The following ASTN2 variants were observed in gnomAD, a reference collection of about 807,000 sequenced individuals.
The protein encoded by ASTN2 is astrotactin 2, also known as astrotactin-2.
A neutral mutation model predicts 139.8 loss-of-function variants in ASTN2; 54 were observed. The ratio of observed to expected loss-of-function variants is 0.39; its 90% CI spans 0.31 to 0.48. The LOEUF is 0.48. Ranked by LOEUF, ASTN2 falls within the 20% of genes least tolerant of loss-of-function variation. The probability of loss-of-function intolerance (pLI) is 0.95; values close to 1 mark genes in which losing one functional copy is unlikely to be tolerated. For synonymous variants in ASTN2, 756 were observed against 719.5 expected, an observed-to-expected ratio of 1.05 and a Z score of -0.81; for missense variants, 1,565 against 1,725.1, an observed-to-expected ratio of 0.91 and a Z score of 1.64.
chr9:117,374,800 C>G (rs561691491), intron 1 of ASTN2, among the ~76,000 whole-genome samples: 1 of 152,208 alleles, frequency 6.6e-6, no homozygotes, highest in East Asian at 1.9e-4. Flanking sequence ...GAGCACCTAC[C>G]AAAGGAAAAG....
At chr9:117,346,677 T>C (rs370690193) in intron 1 of ASTN2, among the ~76,000 whole-genome samples, 11 of 152,138 alleles carry the variant, frequency 7.2e-5, no homozygotes, top group African/African-American at 2.2e-4. Flanking sequence ...AGTGGTAACA[T>C]AGATATCTTA....
At chr9:116,748,415 C>T (rs1306715789) in intron 13 of ASTN2, among the ~76,000 whole-genome samples, 7 of 152,208 alleles carry the variant, frequency 4.6e-5, no homozygotes. Flanking sequence ...CTCCCTCAAT[C>T]CCCGAGGGGT....
chr9:117,271,469 C>T (rs1834061910), intron 2 of ASTN2, among the ~76,000 whole-genome samples: 1 of 152,134 alleles, frequency 6.6e-6, no homozygotes, highest in Non-Finnish European at 1.5e-5. Context: ...AATCTCATGT[C>T]CTTACATTTC....
At chr9:116,815,816 A>AAAAAAAAAAAAAAAAC (rs1564283204) in intron 12 of ASTN2, among the ~76,000 whole-genome samples, 3 of 140,982 alleles carry the variant, frequency 2.1e-5, no homozygotes, top group African/African-American at 8.7e-5. Context: ...AAAAAAAAAA[A>AAAAAAAAAAAAAAAAC]AAAAAAAAAA....
At chr9:116,936,967 A>G (rs774491219) in intron 10 of ASTN2, among the ~76,000 whole-genome samples, 13 of 152,184 alleles carry the variant, frequency 8.5e-5, no homozygotes, top group South Asian at 2.1e-4. Flanking sequence ...CTTGAATATA[A>G]GAGGTGTGAA....
intron 12 of ASTN2, among the ~76,000 whole-genome samples, chr9:116,814,846 A>C (rs1181284542): frequency 6.6e-6 from 1 of 152,180 alleles, no homozygotes; most frequent in Non-Finnish European, 1.5e-5. Flanking sequence ...TCCACACTGG[A>C]AAATAGCTAT....
At chr9:116,472,417 G>A (rs372159502) in intron 20 of ASTN2, among the ~76,000 whole-genome samples, 2 of 152,196 alleles carry the variant, frequency 1.3e-5, no homozygotes, top group East Asian at 1.9e-4. Context: ...CTCAGAACTC[G>A]CATGCCTTTA....
chr9:116,579,474 G>A (rs1286127462), intron 19 of ASTN2, among the ~76,000 whole-genome samples: 3 of 152,144 alleles, frequency 2.0e-5, no homozygotes, highest in African/African-American at 4.8e-5. Context: ...CCACCCCTCC[G>A]AAGCCTACAA....
At chr9:116,925,853 C>A (rs1299422355) in intron 10 of ASTN2, among the ~76,000 whole-genome samples, 1 of 107,566 alleles carries the variant, frequency 9.3e-6, no homozygotes, top group African/African-American at 3.3e-5. Context: ...CAAGGAGATA[C>A]ACAACACAAC....
intron 19 of ASTN2, among the ~76,000 whole-genome samples, chr9:116,536,628 C>T (rs1851641483): frequency 6.6e-6 from 1 of 152,252 alleles, no homozygotes; most frequent in Non-Finnish European, 1.5e-5. Flanking sequence ...CCACTCCAGA[C>T]CCTGTTTGCC....
At chr9:117,051,352 T>C (rs1041227978) in intron 5 of ASTN2, among the ~76,000 whole-genome samples, 4 of 152,184 alleles carry the variant, frequency 2.6e-5, no homozygotes, top group African/African-American at 9.7e-5. Context: ...TAGTTCCTAG[T>C]TTTGCAAATC....
chr9:117,169,721 C>T (rs1266252693), intron 3 of ASTN2, among the ~76,000 whole-genome samples: 3 of 147,364 alleles, frequency 2.0e-5, no homozygotes, highest in Non-Finnish European at 4.5e-5. Context: ...TTGGAGGCTA[C>T]GTCAGACATG....
At chr9:116,732,165 A>T (rs1828802375) in intron 14 of ASTN2, among the ~76,000 whole-genome samples, 2 of 152,194 alleles carry the variant, frequency 1.3e-5, no homozygotes, top group Admixed American at 6.5e-5. Flanking sequence ...TCAGCTTTGG[A>T]GTCAAGACCG....
intron 4 of ASTN2, among the ~76,000 whole-genome samples, chr9:117,136,010 C>T (rs2132847983): frequency 6.6e-6 from 1 of 152,276 alleles, no homozygotes; most frequent in South Asian, 2.1e-4. Flanking sequence ...AACTTTTAAT[C>T]CCATTAAACA....
At chr9:116,462,988 T>G (rs1848538459) in intron 20 of ASTN2, among the ~76,000 whole-genome samples, 1 of 152,076 alleles carries the variant, frequency 6.6e-6, no homozygotes. Flanking sequence ...CCTGTCATCC[T>G]CCCCATCATG....
At chr9:116,703,323 GTTGT>G (rs1276437107) in intron 16 of ASTN2, among the ~76,000 whole-genome samples, 5 of 150,174 alleles carry the variant, frequency 3.3e-5, no homozygotes, top group Non-Finnish European at 5.9e-5. Flanking sequence ...TTTTGATGGG[GTTGT>G]TTGTTTTTTT....
intron 19 of ASTN2, among the ~76,000 whole-genome samples, chr9:116,528,237 A>T (rs1331657833): frequency 2.0e-5 from 3 of 152,166 alleles, no homozygotes; most frequent in African/African-American, 7.2e-5. Context: ...GAGATGAGAA[A>T]CTTATTGGGA....
chr9:117,187,806 A>ATAGC (rs55952736), intron 3 of ASTN2, among the ~76,000 whole-genome samples: 53,321 of 151,824 alleles, frequency 0.35, 9,315 homozygotes, highest in African/African-American at 0.37. Flanking sequence ...ATATTCAGTT[A>ATAGC]AACAGAAAAC....
At position 116,617,479 on chromosome 9, in the gene ASTN2, C is replaced by A. The variant is rs558334298; in HGVS notation, c.3355+845G>T. Among the ~76,000 whole-genome samples, 3 of 152,142 alleles carry A rather than the reference C, an allele frequency of 2.0e-5. No homozygotes were observed. The East Asian group carries it at 5.8e-4, about 29-fold the overall frequency. ...GGCAAATAATTATACTTCTTTAATT[C>A]TTTAAATAGCCAAGTCTTGGTTCAG... On this transcript the variant is annotated intron_variant, in intron 19 of 22. Transcript: ENST00000313400.
Sources: allele counts gnomAD v4.1 joint callset (sites outside exome capture counted in the v4.1 genomes callset), GRCh38; gene constraint gnomAD v4.1.1; transcripts MANE v1.5; gene names NCBI Gene and HGNC (gene_info 2026-07-23, HGNC 2026-07-21).